The following VPS13A variants were observed in gnomAD, a reference collection of about 807,000 sequenced individuals.
The protein encoded by VPS13A is intermembrane lipid transfer protein VPS13A.
In VPS13A, 264 loss-of-function variants were observed where a neutral mutation model predicts 390.9. The ratio of observed to expected loss-of-function variants is 0.68; its 90% confidence interval spans 0.61 to 0.75. The LOEUF is 0.75. Among genes scored for constraint, VPS13A ranks in the 30% least tolerant of loss-of-function variants. VPS13A has a pLI of 0.00. For missense variants in VPS13A, 3,409 were observed against 3,733.9 expected (o/e 0.91, Z 2.27); for synonymous variants, 1,231 against 1,227.1 (o/e 1.00, Z -0.07).
At chr9:77,361,779 C>G (rs1472196644) in intron 59 of VPS13A, among the ~76,000 whole-genome samples, 1 of 152,058 alleles carries the variant, frequency 6.6e-6, no homozygotes, top group Non-Finnish European at 1.5e-5. Flanking sequence ...CATATGAGGG[C>G]TCTGATTTTT....
At position 77,321,295 on chromosome 9, in the gene VPS13A, TGTG is replaced by T. The variant is rs1159842916; in HGVS notation, c.5545_5547del (p.Gly1849del). 1.2e-6 allele frequency: 2 copies of T among 1,609,240 alleles called. No homozygotes were observed. Among genetic ancestry groups the T allele is most frequent in the East Asian group, 2.2e-5 (1 of 44,708 alleles). On this transcript the variant is annotated inframe_deletion, in exon 43 of 72. Coordinates refer to ENST00000360280, the MANE Select transcript of VPS13A (RefSeq NM_033305.3). ...CCAATTAAACATTACATTATCCAAA[TGTG>T]GTCTTGTAATGTTAAACAATTTAGT...
chr9:77,360,699 A>T, intron 59 of VPS13A, 58 bp downstream of exon 59: 1 of 1,329,352 alleles, frequency 7.5e-7, no homozygotes, highest in Non-Finnish European at 1.1e-6. Context: ...TATTATTATA[A>T]ATTTTTAAAG....
intron 71 of VPS13A, among the ~76,000 whole-genome samples, chr9:77,408,809 G>C (rs535818944): frequency 1.1e-3 from 162 of 152,352 alleles, no homozygotes; most frequent in African/African-American, 3.7e-3. Context: ...AGCTCGAACT[G>C]GGTGGAGCCC....
At chr9:77,283,002 A>T (rs1827129264) in intron 29 of VPS13A, among the ~76,000 whole-genome samples, 1 of 152,004 alleles carries the variant, frequency 6.6e-6, no homozygotes, top group Non-Finnish European at 1.5e-5. Flanking sequence ...TTAAAATCAG[A>T]GTATAGTACT....
At chr9:77,404,909 G>A (rs1466098732) in intron 69 of VPS13A, among the ~76,000 whole-genome samples, 1 of 152,146 alleles carries the variant, frequency 6.6e-6, no homozygotes, top group Non-Finnish European at 1.5e-5. Context: ...AAAGAGGGGA[G>A]CAGGGACAGA....
At chr9:77,181,345 C>T (rs1049098124) in intron 1 of VPS13A, among the ~76,000 whole-genome samples, 6 of 151,210 alleles carry the variant, frequency 4.0e-5, no homozygotes, top group Non-Finnish European at 8.8e-5. Context: ...CTCATCTCTA[C>T]GAAAAAAATA....
chr9:77,214,754 C>T (rs1822759121), intron 10 of VPS13A, among the ~76,000 whole-genome samples: 1 of 152,076 alleles, frequency 6.6e-6, no homozygotes, highest in Non-Finnish European at 1.5e-5. Context: ...TAAGATCACG[C>T]TGCATTTAAA....
chr9:77,317,863 A>G (rs1410909122), intron 40 of VPS13A, among the ~76,000 whole-genome samples, 165 bp downstream of exon 40: 1 of 151,982 alleles, frequency 6.6e-6, no homozygotes, highest in Non-Finnish European at 1.5e-5. Context: ...TTTAATACAC[A>G]TTTTATGAAT....
chr9:77,402,066 ATAT>A (rs1313496372), intron 68 of VPS13A, among the ~76,000 whole-genome samples: 1 of 152,146 alleles, frequency 6.6e-6, no homozygotes, highest in African/African-American at 2.4e-5. Flanking sequence ...ACTGTAATTC[ATAT>A]TATTTTTTTC....
At chr9:77,391,822 G>A (rs900569757) in intron 68 of VPS13A, among the ~76,000 whole-genome samples, 5 of 152,090 alleles carry the variant, frequency 3.3e-5, no homozygotes, top group Admixed American at 6.6e-5. Flanking sequence ...ATTTTTGCTG[G>A]CTTTATTTGG....
In VPS13A at chr9:77,371,150, G is replaced by A; in HGVS notation, c.9077+1G>A. 6.2e-7 allele frequency: 1 copy of A among 1,613,944 alleles called. No individual in the cohort carries two copies. Among genetic ancestry groups the A allele is most frequent in the Non-Finnish European group, 8.5e-7 (1 of 1,179,900 alleles). ...GCAGTACATTTCAGGGAATAAAAAG[G>A]TAAATCCTCTTTGGTGTAAGATATG... On this transcript the variant is annotated splice_donor_variant, in intron 67 of 71. Coordinates refer to ENST00000360280, the MANE Select transcript of VPS13A (RefSeq NM_033305.3). LOFTEE classifies it high-confidence loss of function.
At chr9:77,252,187 T>C in intron 21 of VPS13A, 48 bp from the exon 22 acceptor site, 1 of 1,432,494 alleles carries the variant, frequency 7.0e-7, no homozygotes, top group Non-Finnish European at 9.9e-7. Flanking sequence ...TTATTTTAGG[T>C]TTTGTGTGTT....
intron 1 of VPS13A, among the ~76,000 whole-genome samples, chr9:77,191,335 C>T (rs1326187237): frequency 6.7e-6 from 1 of 148,294 alleles, no homozygotes; most frequent in African/African-American, 2.5e-5. Flanking sequence ...GCCCTGTTGC[C>T]GAGGCTGAAG....
At chr9:77,305,654 C>G in intron 34 of VPS13A, 1 of 171,858 alleles carries the variant, frequency 5.8e-6, no homozygotes. Flanking sequence ...TTGGGGCTTC[C>G]CTTACTCTAA....
chr9:77,404,628 T>TATC (rs1402194320), intron 69 of VPS13A, among the ~76,000 whole-genome samples: 9 of 152,364 alleles, frequency 5.9e-5, no homozygotes, highest in African/African-American at 2.2e-4. Flanking sequence ...TTTTAAAAGT[T>TATC]ATCTTTTTTC....
At chr9:77,369,461 A>T (rs1184200421) in intron 63 of VPS13A, 49 bp downstream of exon 63, 1 of 1,171,618 alleles carries the variant, frequency 8.5e-7, no homozygotes, top group Non-Finnish European at 1.3e-6. Context: ...AATACTTTTG[A>T]ATAGATAATA....
At chr9:77,306,604 C>G (rs1377032862) in intron 34 of VPS13A, among the ~76,000 whole-genome samples, 2 of 151,966 alleles carry the variant, frequency 1.3e-5, no homozygotes, top group Non-Finnish European at 2.9e-5. Flanking sequence ...AGTCTGCTGG[C>G]AGAATTCTTG....
chr9:77,254,195 G>T (rs368434862), intron 22 of VPS13A, among the ~76,000 whole-genome samples: 1 of 151,576 alleles, frequency 6.6e-6, no homozygotes, highest in African/African-American at 2.4e-5. Context: ...CGCCCGCCTC[G>T]GCCTCCCAAA....
chr9:77,319,137 G>A (rs1185875718), intron 41 of VPS13A, among the ~76,000 whole-genome samples: 3 of 150,634 alleles, frequency 2.0e-5, no homozygotes, highest in Non-Finnish European at 4.4e-5. Flanking sequence ...TCGAGGCTGT[G>A]GTGAGCTGAG....
Sources: allele counts gnomAD v4.1 joint callset (sites outside exome capture counted in the v4.1 genomes callset), GRCh38; gene constraint gnomAD v4.1.1; transcripts MANE v1.5; gene names NCBI Gene and HGNC (gene_info 2026-07-23, HGNC 2026-07-21).